FAM184B: variants seen among roughly 807,000 people sequenced by gnomAD.
FAM184B encodes protein FAM184B.
Under a neutral mutation model 135.9 loss-of-function variants are expected in FAM184B, and 111 were observed. That is an observed-to-expected ratio of 0.82 (90% CI 0.70 to 0.96). FAM184B has a LOEUF of 0.96. Ranked by LOEUF, FAM184B falls within the 40% of genes least tolerant of loss-of-function variation. The pLI is 0.00. For missense variants in FAM184B, 1,375 were observed against 1,323.9 expected (o/e 1.04, Z -0.60); for synonymous variants, 552 against 524.8 (o/e 1.05, Z -0.71).
chr4:17,724,357 T>C (rs992346370), intron 1 of FAM184B, among the ~76,000 whole-genome samples: 2 of 152,178 alleles, frequency 1.3e-5, no homozygotes, highest in African/African-American at 4.8e-5. Context: ...ACCATCAAAA[T>C]ACTCTCCATC....
At chr4:17,713,225 T>C (rs1717326324) in intron 1 of FAM184B, among the ~76,000 whole-genome samples, 2 of 152,180 alleles carry the variant, frequency 1.3e-5, no homozygotes, top group South Asian at 4.1e-4. Context: ...TCTTAAAGAA[T>C]GTAACTCAAG....
At chr4:17,702,672 A>G (rs1388992064) in intron 5 of FAM184B, among the ~76,000 whole-genome samples, 2 of 152,198 alleles carry the variant, frequency 1.3e-5, no homozygotes, top group Non-Finnish European at 2.9e-5. Context: ...CAAAATGTAA[A>G]ACCAAAAAAA....
At chr4:17,732,902 A>G (rs1012244887) in intron 1 of FAM184B, among the ~76,000 whole-genome samples, 2 of 152,188 alleles carry the variant, frequency 1.3e-5, no homozygotes, top group African/African-American at 4.8e-5. Flanking sequence ...ATTTTAGACC[A>G]ATATCCTTGA....
chr4:17,732,689 A>C (rs968575443), intron 1 of FAM184B, among the ~76,000 whole-genome samples: 1 of 152,216 alleles, frequency 6.6e-6, no homozygotes, highest in Non-Finnish European at 1.5e-5. Flanking sequence ...TTGTGGCAAT[A>C]ATCAATAGCT....
At chr4:17,716,507 T>A (rs898873977) in intron 1 of FAM184B, among the ~76,000 whole-genome samples, 2 of 151,916 alleles carry the variant, frequency 1.3e-5, no homozygotes, top group Non-Finnish European at 2.9e-5. Flanking sequence ...CATGCCTGGA[T>A]GATTATTTCA....
chr4:17,751,056 C>T (rs1402840867), intron 1 of FAM184B, among the ~76,000 whole-genome samples: 7 of 151,568 alleles, frequency 4.6e-5, no homozygotes, highest in Admixed American at 3.9e-4. Context: ...ACCTGTAATC[C>T]CAGCACTTTG....
At chr4:17,734,292 C>T (rs952727844) in intron 1 of FAM184B, among the ~76,000 whole-genome samples, 26 of 152,302 alleles carry the variant, frequency 1.7e-4, no homozygotes, top group African/African-American at 5.5e-4. Context: ...ATGTCTAAAA[C>T]ACCAAAAGCA....
chr4:17,646,347 A>G (rs1237023252), intron 12 of FAM184B, among the ~76,000 whole-genome samples: 5 of 152,212 alleles, frequency 3.3e-5, no homozygotes, highest in African/African-American at 1.2e-4. Flanking sequence ...CAACAATGAT[A>G]GACTGGATTA....
intron 1 of FAM184B, among the ~76,000 whole-genome samples, chr4:17,721,804 G>A (rs1717539283): frequency 1.3e-5 from 2 of 152,180 alleles, no homozygotes; most frequent in South Asian, 4.1e-4. Context: ...CCCGAGATAT[G>A]CATTTTTAAC....
Position 17,781,268 on chromosome 4 carries a change from G to A in FAM184B, c.32C>T (p.Pro11Leu), listed in dbSNP as rs1016021744. The change falls in exon 1 of 18, where the codon CCG (proline) becomes CTG (leucine). Residue 11 changes from proline (P) to leucine (L), a missense_variant. Pro to Leu is a moderately conservative substitution (Grantham distance 98). Transcript: ENST00000265018. The surrounding 1 kb of genome is among the most constrained non-coding windows in gnomAD (Gnocchi z 6.5). The part of the protein sequence containing the change: MASALNSKIN[P>L]PGTCQGSKAD... The stretch of plus-strand genomic sequence containing the variant: ...TTTGGAGCCCTGGCAAGTGCCGGGC[G>A]GGTTAATTTTGCTGTTGAGAGCAGA... The A allele has an allele frequency of 6.5e-7, 1 of 1,549,942 alleles. No homozygotes were observed. Among genetic ancestry groups the A allele is most frequent in the African/African-American group, 1.4e-5 (1 of 72,990 alleles).
At chr4:17,755,797 C>T (rs1047150197) in intron 1 of FAM184B, among the ~76,000 whole-genome samples, 3 of 152,144 alleles carry the variant, frequency 2.0e-5, no homozygotes, top group African/African-American at 7.2e-5. Context: ...CCTCAGCAAA[C>T]TAACGCAGGA....
rs543026781 is a variant in FAM184B, at chr4:17,724,617, A to C, written c.142-14973T>G. ...AGAGTTTAAGAGAGTCTTGCTGCTG[A>C]TGATGTAACGAGGTGCTACCATCCA... On this transcript the variant is annotated intron_variant, in intron 1 of 17. Transcript: ENST00000265018. 5.3e-5 allele frequency among the ~76,000 whole-genome samples: 8 copies of C among 152,276 alleles called. No homozygotes were observed. In the South Asian group the frequency reaches 8.3e-4, roughly 16 times the overall value.
chr4:17,664,334 C>T (rs941996508), intron 8 of FAM184B, among the ~76,000 whole-genome samples: 24 of 152,148 alleles, frequency 1.6e-4, no homozygotes, highest in African/African-American at 5.8e-4. Flanking sequence ...GCTCCAGGTT[C>T]TTAAGCTAAA....
intron 7 of FAM184B, among the ~76,000 whole-genome samples, chr4:17,683,802 G>T (rs1442600657): frequency 6.6e-6 from 1 of 152,064 alleles, no homozygotes; most frequent in Non-Finnish European, 1.5e-5. Flanking sequence ...CTGGCCAGAC[G>T]CAGTGGTTCA....
At chr4:17,771,059 A>G (rs747381744) in intron 1 of FAM184B, among the ~76,000 whole-genome samples, 10 of 152,102 alleles carry the variant, frequency 6.6e-5, no homozygotes, top group Non-Finnish European at 1.2e-4. Context: ...GTTGGTTTCC[A>G]CTTTTTGGCT....
chr4:17,719,377 C>T (rs370587689), intron 1 of FAM184B, among the ~76,000 whole-genome samples: 14 of 152,260 alleles, frequency 9.2e-5, no homozygotes, highest in Admixed American at 3.3e-4. Flanking sequence ...CTACTCACAA[C>T]GACAAATAAT....
chr4:17,764,875 G>C (rs796839007), intron 1 of FAM184B, among the ~76,000 whole-genome samples: 1 of 151,688 alleles, frequency 6.6e-6, no homozygotes, highest in East Asian at 1.9e-4. Context: ...GACCAGGCTG[G>C]ACAACATAGC....
rs1716648281 is a variant in FAM184B, at chr4:17,688,606, T to G, written c.1489-75A>C. 3.7e-6 allele frequency: 4 copies of G among 1,084,178 alleles called. No individual in the cohort carries two copies. The South Asian group carries it at 6.0e-5, about 16-fold the overall frequency. 67.2% of individuals were successfully genotyped at this position (1,084,178 alleles called of 1,614,324 possible). ...CTCGATACAGTCATTCATCCGGGAA[T>G]CAATTCTCCTGGGTCAGTCTGTTCT... On this transcript the variant is annotated intron_variant, in intron 6 of 17. Coordinates refer to ENST00000265018, the MANE Select transcript of FAM184B (RefSeq NM_015688.2).
chr4:17,632,414 A>G lies in FAM184B; in HGVS notation c.*118T>C, dbSNP rs1714979698. ...GTTAACGCCAAAATTTGTTTTAGCT[A>G]TCATATATAAATCATAAGCATATTA... On this transcript the variant is annotated 3_prime_UTR_variant, in exon 18 of 18. Coordinates refer to ENST00000265018, the MANE Select transcript of FAM184B (RefSeq NM_015688.2). 1 of 856,256 alleles carries G rather than the reference A, an allele frequency of 1.2e-6. No homozygotes were observed. Among genetic ancestry groups the G allele is most frequent in the South Asian group, 1.8e-5 (1 of 56,752 alleles). 53.0% of individuals were successfully genotyped at this position (856,256 alleles called of 1,614,324 possible).
Sources: allele counts gnomAD v4.1 joint callset (sites outside exome capture counted in the v4.1 genomes callset), GRCh38; gene constraint gnomAD v4.1.1; non-coding constraint Gnocchi (gnomAD v3.1); transcripts MANE v1.5; gene names NCBI Gene and HGNC (gene_info 2026-07-23, HGNC 2026-07-21).